The following ATP5F1A variants were observed in gnomAD, a reference collection of about 807,000 sequenced individuals.
ATP5F1A encodes ATP synthase F1 subunit alpha.
A neutral mutation model predicts 57.4 loss-of-function variants in ATP5F1A; 24 were observed. The ratio of observed to expected loss-of-function variants is 0.42; its 90% CI spans 0.30 to 0.59. The LOEUF (loss-of-function observed/expected upper bound fraction) is 0.59. Among genes scored for constraint, ATP5F1A ranks in the 20% least tolerant of loss-of-function variants. The pLI, the probability that ATP5F1A is intolerant of heterozygous loss-of-function variation, is 0.19. For synonymous variants in ATP5F1A, 251 were observed against 255.5 expected, an observed-to-expected ratio of 0.98 and a Z score of 0.17; for missense variants, 494 against 707.9, an observed-to-expected ratio of 0.70 and a Z score of 3.43.
chr18:46,096,982 C>CA (rs71160709), intron 1 of ATP5F1A, among the ~76,000 whole-genome samples: 1,586 of 74,718 alleles, frequency 0.021, 53 homozygotes, highest in African/African-American at 0.049. Flanking sequence ...GACACCATCT[C>CA]AAAAAAAAAA....
At chr18:46,099,391 T>C (rs1048325502), upstream of ATP5F1A, 1 of 152,116 alleles carries the variant, frequency 6.6e-6, no homozygotes, top group African/African-American at 2.4e-5. Flanking sequence ...GTGATGCTGG[T>C]TATTATTATG....
At position 46,086,097 on chromosome 18, in the gene ATP5F1A, G is replaced by A; in HGVS notation, c.1429+16C>T. ...CACAATAGGAACCTGACCAAATGAA[G>A]AAAAGAACAACTTACAATACTGTCC... On this transcript the variant is annotated intron_variant, in intron 10 of 11. Transcript: ENST00000398752. 1 of 1,610,324 alleles carries A rather than the reference G, an allele frequency of 6.2e-7. No homozygotes were observed. Among genetic ancestry groups the A allele is most frequent in the Non-Finnish European group, 8.5e-7 (1 of 1,179,070 alleles).
chr18:46,089,808 G>A lies in ATP5F1A; in HGVS notation c.483+15C>T, dbSNP rs202110837. The stretch of plus-strand genomic sequence containing the variant: ...GTTAGAAGCTGCAACTATATCTAAC[G>A]AACATTAAACCTACCTTTCCATCAA... On this transcript the variant is annotated intron_variant, in intron 4 of 11. Coordinates refer to ENST00000398752, the MANE Select transcript of ATP5F1A (RefSeq NM_004046.6). 1.1e-3 allele frequency: 1,820 copies of A among 1,609,272 alleles called. 4 individuals carry two copies. Among genetic ancestry groups the A allele is most frequent in the Admixed American group, 1.7e-3 (102 of 59,236 alleles).
chr18:46,103,738 A>AC (rs1329254709), intron 1 of ATP5F1A, among the ~76,000 whole-genome samples: 3 of 151,676 alleles, frequency 2.0e-5, no homozygotes, highest in African/African-American at 7.3e-5. Flanking sequence ...ATATGGTGAA[A>AC]CCCCGTCTCT....
intron 5 of ATP5F1A, 180 bp from the exon 6 acceptor site, chr18:46,088,437 A>G: frequency 1.8e-6 from 1 of 541,652 alleles, no homozygotes; most frequent in Non-Finnish European, 3.1e-6. Context: ...GTCTGTAACC[A>G]TAGCCCCAAC....
intron 2 of ATP5F1A, among the ~76,000 whole-genome samples, chr18:46,094,186 C>CACACACACACACACACACACACACAT (rs140950200): frequency 6.6e-6 from 1 of 150,982 alleles, no homozygotes; most frequent in Non-Finnish European, 1.5e-5. Flanking sequence ...CACACACACA[C>CACACACACACACACACACACACACAT]ATATACACAC....
rs1298692434 is a variant in ATP5F1A at position 46,083,132 on chromosome 18, A to G, written c.*1150T>C. On this transcript the variant is annotated 3_prime_UTR_variant, in exon 12 of 12. Coordinates refer to ENST00000398752, the MANE Select transcript of ATP5F1A (RefSeq NM_004046.6). ...TGAAAAGCTAGTAACAGAGGAAATA[A>G]AGTAGCTGTGAAAATATTAAAAGAT... 6.6e-6 allele frequency: 1 copy of G among 152,082 alleles called. No homozygotes were observed. Among genetic ancestry groups the G allele is most frequent in the African/African-American group, 2.4e-5 (1 of 41,390 alleles). The allele number at this position is 152,082 out of a possible 1,614,324, so 9.4% of individuals were successfully genotyped here.
chr18:46,088,438 T>C (rs1345269127), intron 5 of ATP5F1A, 181 bp from the exon 6 acceptor site: 4 of 534,400 alleles, frequency 7.5e-6, no homozygotes, highest in Admixed American at 3.8e-5. Context: ...TCTGTAACCA[T>C]AGCCCCAACC....
At chr18:46,090,140 A>T in intron 3 of ATP5F1A, 144 bp from the exon 4 acceptor site, 1 of 701,662 alleles carries the variant, frequency 1.4e-6, no homozygotes. Flanking sequence ...GTACTTTTCC[A>T]ACTAACAAAC....
upstream of ATP5F1A, among the ~76,000 whole-genome samples, chr18:46,099,012 G>T (rs936304993): frequency 6.6e-6 from 1 of 151,832 alleles, no homozygotes; most frequent in Non-Finnish European, 1.5e-5. Context: ...TAGGTGATGG[G>T]ATGATAGTTA....
At chr18:46,098,410 T>G (rs1041978674), upstream of ATP5F1A, 1 of 1,357,256 alleles carries the variant, frequency 7.4e-7, no homozygotes, top group South Asian at 1.7e-5. Flanking sequence ...TTTGGCAGGT[T>G]ACTTATTTTT....
At chr18:46,103,248 G>A (rs1024001963), upstream of ATP5F1A, among the ~76,000 whole-genome samples, 13 of 135,664 alleles carry the variant, frequency 9.6e-5, no homozygotes, top group South Asian at 4.8e-4. Flanking sequence ...GTTGGAGGTC[G>A]CAGTGAGCCA....
chr18:46,093,970 GGTGGTGGGCA>G lies in ATP5F1A; in HGVS notation c.139+1073_139+1082del, dbSNP rs985614868. ...AAAAATACAAAAATTAGCTGGGTGT[GGTGGTGGGCA>G]CCTGTAATCCCACCTACTCGGGAGG... On this transcript the variant is annotated intron_variant, in intron 2 of 11. Transcript: ENST00000398752. Among the ~76,000 whole-genome samples, 6 of 152,044 alleles carry G rather than the reference GGTGGTGGGCA, an allele frequency of 3.9e-5. No homozygotes were observed. The South Asian group carries it at 6.2e-4, about 16-fold the overall frequency.
At position 46,086,991 on chromosome 18, in the gene ATP5F1A, A is replaced by C; in HGVS notation, c.1176+17T>G. ...CCAAATCTTTTTTAACATTTCTTTT[A>C]ATCATTAAAATAATACCTGTCCGTC... On this transcript the variant is annotated intron_variant, in intron 8 of 11. Transcript: ENST00000398752. 6.2e-7 allele frequency: 1 copy of C among 1,610,078 alleles called. No homozygotes were observed. Among genetic ancestry groups the C allele is most frequent in the South Asian group, 1.1e-5 (1 of 90,874 alleles).
At chr18:46,092,617 T>TTATATATATATATATA (rs10524147) in intron 2 of ATP5F1A, among the ~76,000 whole-genome samples, 91 of 146,458 alleles carry the variant, frequency 6.2e-4, no homozygotes, top group Admixed American at 1.6e-3. Flanking sequence ...CACACAAAAA[T>TTATATATATATATATA]TATATATATA....
chr18:46,102,496 G>C (rs1236321365), upstream of ATP5F1A, among the ~76,000 whole-genome samples: 1 of 151,898 alleles, frequency 6.6e-6, no homozygotes, highest in African/African-American at 2.4e-5. Flanking sequence ...GCTAATTTTT[G>C]TATTTTTAGT....
chr18:46,098,192 G>T lies in ATP5F1A; in HGVS notation c.40C>A (p.Leu14Ile). Residue 14 changes from leucine (L) to isoleucine (I), a missense_variant, in exon 1 of 12, where the codon CTT (leucine) becomes ATT (isoleucine). Coordinates refer to ENST00000398752, the MANE Select transcript of ATP5F1A (RefSeq NM_004046.6). ...CTCACCAGTCCGGCCCGCCGAGGAAGGGCGCGGACCACGGCCGCAGCAACG... is the reference window on the plus strand; with the variant it reads ...CTCACCAGTCCGGCCCGCCGAGGAATGGCGCGGACCACGGCCGCAGCAACG... The part of the protein sequence containing the change: ...VRVAAAVVRA[L>I]PRRAGLVSRN... 6.2e-7 allele frequency: 1 copy of T among 1,606,122 alleles called. No homozygotes were observed.
rs1440645560 is a variant in ATP5F1A, at chr18:46,083,560, G to A, written c.*722C>T. On this transcript the variant is annotated 3_prime_UTR_variant, in exon 12 of 12. Transcript: ENST00000398752. The stretch of plus-strand genomic sequence containing the variant: ...ATTTTAACTGTCCTATTATTTTCCT[G>A]CCTACAGTACCTCTTTATGCAGGTA... The A allele has an allele frequency of 6.6e-6, 1 of 152,098 alleles. No homozygotes were observed. Among genetic ancestry groups the A allele is most frequent in the African/African-American group, 2.4e-5 (1 of 41,370 alleles). The allele number at this position is 152,098 out of a possible 1,614,324, so 9.4% of individuals were successfully genotyped here.
At chr18:46,095,397 C>T (rs1030871989) in intron 1 of ATP5F1A, among the ~76,000 whole-genome samples, 2 of 152,146 alleles carry the variant, frequency 1.3e-5, no homozygotes, top group East Asian at 3.8e-4. Context: ...AGACGGCTCA[C>T]TGCATCCTCC....
Sources: gnomAD v4.1 joint callset for allele counts (sites outside exome capture counted in the v4.1 genomes callset) on GRCh38, gnomAD v4.1.1 for gene constraint, MANE v1.5 for transcripts, NCBI Gene and HGNC (gene_info 2026-07-23, HGNC 2026-07-21) for gene names.